ZNF133: variants seen among roughly 807,000 people sequenced by gnomAD.
ZNF133 encodes the protein zinc finger protein 133 (clone pHZ-13).
ZNF133 carries 26 observed loss-of-function variants against 54.9 expected under a neutral mutation model. The observed-to-expected ratio is 0.47, with a 90% confidence interval of 0.35 to 0.66. The LOEUF (loss-of-function observed/expected upper bound fraction) is 0.66. Ranked by LOEUF, ZNF133 falls within the 30% of genes least tolerant of loss-of-function variation. The pLI is 0.01. For synonymous variants in ZNF133, 298 were observed against 320.3 expected (o/e 0.93, Z 0.74); for missense variants, 653 against 820.8 (o/e 0.80, Z 2.50).
chr20:18,314,780 AT>A (rs2047058416), intron 6 of ZNF133: 3 of 316,356 alleles, frequency 9.5e-6, no homozygotes, highest in Non-Finnish European at 1.7e-5. Flanking sequence ...AATTAATTGT[AT>A]TGAAGGTGAG....
intron 6 of ZNF133, chr20:18,314,803 C>T (rs1384170413): frequency 5.3e-6 from 2 of 375,718 alleles, no homozygotes; most frequent in East Asian, 8.0e-5. Context: ...GGGAACTGTT[C>T]CATACTGGCC....
At position 18,306,784 on chromosome 20, in the gene ZNF133, T is replaced by TA. The variant is rs758985721; in HGVS notation, c.217+392dup. 3.9e-6 allele frequency: 5 copies of TA among 1,274,600 alleles called. No individual in the cohort carries two copies. In the African/African-American group the frequency reaches 8.5e-5, roughly 22 times the overall value. 79.0% of individuals were successfully genotyped at this position (1,274,600 alleles called of 1,614,324 possible). A position where few individuals can be genotyped will look rare whatever the true frequency, so the allele number is the denominator to read the frequency against. On this transcript the variant is annotated intron_variant, in intron 6 of 6. Coordinates refer to ENST00000425686, the MANE Select transcript of ZNF133 (RefSeq NM_001352452.2). ...GGGAGGAAGAAATCTAAAAAGCCAA[T>TA]AGAGAAATTGAAATGGAATTCTAAA...
chr20:18,308,307 T>G (rs2045122072), intron 6 of ZNF133, among the ~76,000 whole-genome samples: 1 of 152,196 alleles, frequency 6.6e-6, no homozygotes, highest in South Asian at 2.1e-4. Flanking sequence ...TTAAATTGAT[T>G]AATTCTGTCT....
intron 1 of ZNF133, among the ~76,000 whole-genome samples, chr20:18,292,638 C>T (rs1189932509): frequency 2.0e-5 from 3 of 152,208 alleles, no homozygotes; most frequent in South Asian, 2.1e-4. Flanking sequence ...CTTTATTTCT[C>T]TTCATGCCAC....
chr20:18,292,254 T>C (rs2041229543), intron 1 of ZNF133, among the ~76,000 whole-genome samples: 1 of 152,210 alleles, frequency 6.6e-6, no homozygotes, highest in Non-Finnish European at 1.5e-5. Flanking sequence ...GTAAATCGAA[T>C]CATGTCATGT....
Position 18,292,198 on chromosome 20 carries a change from G to A in ZNF133, c.-432+3594G>A, listed in dbSNP as rs146946843. Among the ~76,000 whole-genome samples the A allele has an allele frequency of 1.8e-4, 27 of 152,212 alleles. No individual in the cohort carries two copies. The East Asian group carries it at 3.9e-3, about 22-fold the overall frequency. On this transcript the variant is annotated intron_variant, in intron 1 of 6. Transcript: ENST00000425686. ...ATCTCTTTGTTTCTGCCTATGTCCC[G>A]CTAAGGTACATGAATCAGTGGAGCA...
chr20:18,310,390 G>T, intron 6 of ZNF133: 2 of 1,361,528 alleles, frequency 1.5e-6, no homozygotes, highest in South Asian at 1.6e-5. Context: ...CTCAAAATAG[G>T]CTAGTTACAA....
At chr20:18,306,730 G>A in intron 6 of ZNF133, 1 of 1,347,458 alleles carries the variant, frequency 7.4e-7, no homozygotes, top group South Asian at 1.2e-5. Flanking sequence ...GGAAACAACT[G>A]TGACCTACAG....
rs2042652007 is a variant in ZNF133, at chr20:18,298,340, AT to A, written c.-300del. 2 of 1,289,596 alleles carry A rather than the reference AT, an allele frequency of 1.6e-6. No individual in the cohort carries two copies. The highest frequency in any genetic ancestry group is 9.8e-7 in the Non-Finnish European group (1 of 1,017,076). 79.9% of individuals were successfully genotyped at this position (1,289,596 alleles called of 1,614,324 possible). On this transcript the variant is annotated 5_prime_UTR_variant, in exon 3 of 7. It removes the in-frame stop codon of an upstream open reading frame in the 5' UTR. Coordinates refer to ENST00000425686, the MANE Select transcript of ZNF133 (RefSeq NM_001352452.2). ...AACGTCACAGTAATGGAACGGGAAG[AT>A]TCTGGAATCTGTGTCCCCACCTAGA...
chr20:18,294,894 A>C (rs1438258463), intron 1 of ZNF133, among the ~76,000 whole-genome samples: 1 of 152,162 alleles, frequency 6.6e-6, no homozygotes, highest in South Asian at 2.1e-4. Context: ...TTTTGCTTCA[A>C]TATTTGTAAG....
intron 6 of ZNF133, among the ~76,000 whole-genome samples, chr20:18,309,300 G>C (rs530304613): frequency 2.6e-5 from 4 of 152,206 alleles, no homozygotes; most frequent in Non-Finnish European, 4.4e-5. Flanking sequence ...GCACCATAGT[G>C]ATTTCATAGA....
chr20:18,298,740 G>T (rs2042736457), intron 3 of ZNF133, among the ~76,000 whole-genome samples: 1 of 152,176 alleles, frequency 6.6e-6, no homozygotes, highest in Admixed American at 6.5e-5. Context: ...GCTTTTAGGG[G>T]ATTTAAGGAG....
rs1431579994 is a variant in ZNF133 at position 18,316,229 on chromosome 20, C to T, written c.1378C>T (p.His460Tyr). ...ACACCTCAACAGACACCAGAACATA[C>T]ACTCAGGAGAGAAGCCCATTGTGTG... Reference protein sequence around the residue: ...KSHLNRHQNIHSGEKPIVCKD... With the variant: ...KSHLNRHQNIYSGEKPIVCKD... Residue 460 changes from histidine (H) to tyrosine (Y), a missense_variant, in exon 7 of 7, where the codon CAC (histidine) becomes TAC (tyrosine). His to Tyr is a moderately conservative substitution (Grantham distance 83). Around this residue, in one of 4 missense-constraint regions of ZNF133, gnomAD observed 292 missense variants for 431.6 expected, o/e 0.68. Coordinates refer to ENST00000425686, the MANE Select transcript of ZNF133 (RefSeq NM_001352452.2). 2 of 1,608,104 alleles carry T rather than the reference C, an allele frequency of 1.2e-6. No individual in the cohort carries two copies. Among genetic ancestry groups the T allele is most frequent in the Non-Finnish European group, 1.7e-6 (2 of 1,177,012 alleles).
At chr20:18,312,273 T>C (rs967857184) in intron 6 of ZNF133, among the ~76,000 whole-genome samples, 14 of 152,238 alleles carry the variant, frequency 9.2e-5, no homozygotes, top group African/African-American at 3.4e-4. Flanking sequence ...TTAAAGATTT[T>C]CAGATTTTGG....
chr20:18,291,901 T>C (rs964481667), intron 1 of ZNF133, among the ~76,000 whole-genome samples: 1 of 152,076 alleles, frequency 6.6e-6, no homozygotes, highest in African/African-American at 2.4e-5. Context: ...CCAAAACTAA[T>C]GTGTGCAACA....
At position 18,305,935 on chromosome 20, in the gene ZNF133, T is replaced by C. The variant is rs1257177155; in HGVS notation, c.121+128T>C. On this transcript the variant is annotated intron_variant, in intron 5 of 6. Coordinates refer to ENST00000425686, the MANE Select transcript of ZNF133 (RefSeq NM_001352452.2). The surrounding 1 kb of genome is among the most constrained non-coding windows in gnomAD (Gnocchi z 4.7). Reference sequence around the variant, plus strand: ...AAAAAGCAACTACATTTTATTCGTGTTTCCCCAGGGAGGGTCTGATTTTGC... The same window carrying C: ...AAAAAGCAACTACATTTTATTCGTGCTTCCCCAGGGAGGGTCTGATTTTGC... 9 of 1,260,882 alleles carry C rather than the reference T, an allele frequency of 7.1e-6. No individual in the cohort carries two copies. The Admixed American group carries it at 2.5e-4, about 34-fold the overall frequency. 78.1% of individuals were successfully genotyped at this position (1,260,882 alleles called of 1,614,324 possible). A position where few individuals can be genotyped will look rare whatever the true frequency, so the allele number is the denominator to read the frequency against.
At chr20:18,290,303 G>T (rs2040658142) in intron 1 of ZNF133, among the ~76,000 whole-genome samples, 1 of 152,026 alleles carries the variant, frequency 6.6e-6, no homozygotes, top group Non-Finnish European at 1.5e-5. Context: ...TTCAGTATTT[G>T]TTCAGACTGC....
At position 18,303,713 on chromosome 20, in the gene ZNF133, C is replaced by T. The variant is rs145623668; in HGVS notation, c.-177-1295C>T. Among the ~76,000 whole-genome samples the T allele has an allele frequency of 7.0e-4, 106 of 152,246 alleles. 1 individual carries two copies. Among genetic ancestry groups the T allele is most frequent in the African/African-American group, 2.3e-3 (96 of 41,544 alleles). ...TATGAAAAAGACTATACTCAACAAACGCTATTGGGCAAACTGTATATTTAT... is the reference window on the plus strand; with the variant it reads ...TATGAAAAAGACTATACTCAACAAATGCTATTGGGCAAACTGTATATTTAT... On this transcript the variant is annotated intron_variant, in intron 3 of 6. Transcript: ENST00000425686.
intron 1 of ZNF133, among the ~76,000 whole-genome samples, chr20:18,291,557 A>C (rs1600319431): frequency 6.6e-6 from 1 of 151,886 alleles, no homozygotes; most frequent in East Asian, 1.9e-4. Context: ...TTCAGTTCTT[A>C]GACCTCCTGT....
Sources: allele counts gnomAD v4.1 joint callset (sites outside exome capture counted in the v4.1 genomes callset), GRCh38; gene constraint gnomAD v4.1.1; regional missense constraint gnomAD v4.1.1; non-coding constraint Gnocchi (gnomAD v3.1); transcripts MANE v1.5; gene names NCBI Gene and HGNC (gene_info 2026-07-23, HGNC 2026-07-21).